The following MALRD1 variants were observed in gnomAD, a reference collection of about 807,000 sequenced individuals.
The protein encoded by MALRD1 is MAM and LDL-receptor class A domain-containing protein 1.
In MALRD1, 247 loss-of-function variants were observed where a neutral mutation model predicts 242.1. The observed-to-expected ratio is 1.02, with a 90% CI of 0.92 to 1.13. The LOEUF is 1.13. MALRD1 is among the 50% of genes most tolerant of loss of function. The probability of loss-of-function intolerance (pLI) is 0.00; values close to 1 mark genes in which losing one functional copy is unlikely to be tolerated. For synonymous variants in MALRD1, 995 were observed against 866.6 expected (o/e 1.15, Z -2.60); for missense variants, 2,989 against 2,533.1 (o/e 1.18, Z -3.86).
At chr10:19,547,219 C>T (rs188962680) in intron 32 of MALRD1, among the ~76,000 whole-genome samples, 17 of 152,230 alleles carry the variant, frequency 1.1e-4, no homozygotes, top group Admixed American at 3.3e-4. Context: ...GTGGGGTCAA[C>T]GTTGAAGAGC....
At chr10:19,138,680 A>G (rs1015293106) in intron 10 of MALRD1, among the ~76,000 whole-genome samples, 2 of 152,122 alleles carry the variant, frequency 1.3e-5, no homozygotes, top group Non-Finnish European at 2.9e-5. Context: ...TCAGCCTCCC[A>G]AAGTGCTGGG....
chr10:19,732,294 C>G (rs1835328427), intron 39 of MALRD1, among the ~76,000 whole-genome samples: 1 of 152,138 alleles, frequency 6.6e-6, no homozygotes, highest in Non-Finnish European at 1.5e-5. Flanking sequence ...CGGAGTTTCA[C>G]TCTTGCCACC....
chr10:19,619,540 T>C (rs780404435), intron 36 of MALRD1, among the ~76,000 whole-genome samples: 2 of 152,050 alleles, frequency 1.3e-5, no homozygotes, highest in Non-Finnish European at 1.5e-5. Flanking sequence ...ATATGCTGAC[T>C]TCTTACAAAT....
chr10:19,631,456 C>A (rs191196273), intron 36 of MALRD1, among the ~76,000 whole-genome samples: 1 of 152,114 alleles, frequency 6.6e-6, no homozygotes. Flanking sequence ...AATGAACATA[C>A]GCATGCATGT....
chr10:19,628,124 T>A (rs992641190), intron 36 of MALRD1, among the ~76,000 whole-genome samples: 3 of 152,068 alleles, frequency 2.0e-5, no homozygotes, highest in South Asian at 2.1e-4. Context: ...GACAAAACAT[T>A]TTTTGGTAAT....
At chr10:19,193,801 T>C (rs542882707) in intron 14 of MALRD1, among the ~76,000 whole-genome samples, 77 of 147,102 alleles carry the variant, frequency 5.2e-4, no homozygotes, top group African/African-American at 1.9e-3. Context: ...TCAAGAAGTA[T>C]AAAACATTTG....
At chr10:19,350,714 G>C (rs1324961789) in intron 25 of MALRD1, among the ~76,000 whole-genome samples, 1 of 152,190 alleles carries the variant, frequency 6.6e-6, no homozygotes, top group Non-Finnish European at 1.5e-5. Context: ...ATGACCTGAA[G>C]AAGATATAAA....
chr10:19,671,014 G>A (rs1490726099), intron 36 of MALRD1, among the ~76,000 whole-genome samples: 1 of 151,832 alleles, frequency 6.6e-6, no homozygotes, highest in Non-Finnish European at 1.5e-5. Flanking sequence ...AAGTAGCTGG[G>A]ACTACAGGCA....
In MALRD1 at chr10:19,734,473, A is replaced by T; in HGVS notation, c.*236A>T. 1 of 329,010 alleles carries T rather than the reference A, an allele frequency of 3.0e-6. No homozygotes were observed. The highest frequency in any genetic ancestry group is 5.4e-6 in the Non-Finnish European group (1 of 183,914). 20.4% of individuals were successfully genotyped at this position (329,010 alleles called of 1,614,324 possible). A position where few individuals can be genotyped will look rare whatever the true frequency, so the allele number is the denominator to read the frequency against. On this transcript the variant is annotated 3_prime_UTR_variant, in exon 40 of 40. Coordinates refer to ENST00000454679, the MANE Select transcript of MALRD1 (RefSeq NM_001142308.3). Reference sequence around the variant, plus strand: ...GAATATTTTAATAAAATTTCTATTTAATCAAGTTTCTTGTTTTTCTTTGAT... The same window carrying T: ...GAATATTTTAATAAAATTTCTATTTTATCAAGTTTCTTGTTTTTCTTTGAT...
At chr10:19,596,842 A>T (rs1055322231) in intron 34 of MALRD1, among the ~76,000 whole-genome samples, 1 of 149,286 alleles carries the variant, frequency 6.7e-6, no homozygotes, top group Non-Finnish European at 1.5e-5. Flanking sequence ...AAGTGGGGGA[A>T]GGAGGGAGGG....
intron 28 of MALRD1, among the ~76,000 whole-genome samples, chr10:19,390,834 T>C (rs1276669939): frequency 6.6e-6 from 1 of 152,204 alleles, no homozygotes; most frequent in African/African-American, 2.4e-5. Context: ...TCTTCTATAA[T>C]GATGCAGAAA....
intron 21 of MALRD1, among the ~76,000 whole-genome samples, chr10:19,283,631 A>T (rs952892350): frequency 6.6e-6 from 1 of 151,876 alleles, no homozygotes; most frequent in Non-Finnish European, 1.5e-5. Flanking sequence ...TATTTGTCAT[A>T]CATGTATGAA....
At chr10:19,070,930 C>T (rs1835127439) in intron 2 of MALRD1, among the ~76,000 whole-genome samples, 1 of 142,756 alleles carries the variant, frequency 7.0e-6, no homozygotes, top group African/African-American at 2.6e-5. Context: ...CAGCTCACTA[C>T]AGCCTCTGCC....
At chr10:19,652,791 G>C (rs1840956047) in intron 36 of MALRD1, among the ~76,000 whole-genome samples, 1 of 152,144 alleles carries the variant, frequency 6.6e-6, no homozygotes, top group Non-Finnish European at 1.5e-5. Flanking sequence ...AAGAAACTGA[G>C]GTTTACAGAT....
intron 32 of MALRD1, among the ~76,000 whole-genome samples, chr10:19,549,995 G>C (rs1835410863): frequency 6.6e-6 from 1 of 152,008 alleles, no homozygotes; most frequent in South Asian, 2.1e-4. Flanking sequence ...AACCAATTTT[G>C]GACACTCCTT....
At chr10:19,530,016 A>C (rs1388691397) in intron 31 of MALRD1, among the ~76,000 whole-genome samples, 2 of 151,940 alleles carry the variant, frequency 1.3e-5, no homozygotes, top group African/African-American at 4.8e-5. Flanking sequence ...TTCCAATCCC[A>C]AGTTATTTTG....
intron 34 of MALRD1, among the ~76,000 whole-genome samples, chr10:19,600,184 T>C (rs963518365): frequency 6.6e-6 from 1 of 152,180 alleles, no homozygotes; most frequent in Non-Finnish European, 1.5e-5. Context: ...ATTTTTACTA[T>C]TGGCCTTTAA....
intron 30 of MALRD1, among the ~76,000 whole-genome samples, chr10:19,497,404 C>T (rs769377307): frequency 2.7e-5 from 3 of 112,292 alleles, no homozygotes; most frequent in South Asian, 2.5e-4. Context: ...ATAGAATGAA[C>T]GAAAGGAATG....
At chr10:19,708,206 A>T (rs1039313773) in intron 38 of MALRD1, among the ~76,000 whole-genome samples, 1 of 121,466 alleles carries the variant, frequency 8.2e-6, no homozygotes, top group African/African-American at 2.6e-5. Flanking sequence ...TTTCTTATGT[A>T]TAAAATGAGG....
Sources: allele counts gnomAD v4.1 joint callset (sites outside exome capture counted in the v4.1 genomes callset), GRCh38; gene constraint gnomAD v4.1.1; transcripts MANE v1.5; gene names NCBI Gene and HGNC (gene_info 2026-07-23, HGNC 2026-07-21).